Variants in ANKS1B observed in about 807,000 individuals in gnomAD.
The protein encoded by ANKS1B is ankyrin repeat and sterile alpha motif domain-containing protein 1B.
In ANKS1B, 36 loss-of-function variants were observed where a neutral mutation model predicts 148.3. That is an observed-to-expected ratio of 0.24 (90% CI 0.19 to 0.32). The LOEUF (loss-of-function observed/expected upper bound fraction) is 0.32, where lower values mean the gene tolerates loss of function less well. Ranked by LOEUF, ANKS1B falls within the 10% of genes least tolerant of loss-of-function variation. The probability of loss-of-function intolerance (pLI) is 1.00; values close to 1 mark genes in which losing one functional copy is unlikely to be tolerated. For synonymous variants in ANKS1B, 542 were observed against 560.8 expected (o/e 0.97, Z 0.47); for missense variants, 1,157 against 1,542.6 (o/e 0.75, Z 4.19).
intron 9 of ANKS1B, among the ~76,000 whole-genome samples, chr12:99,535,830 C>G (rs1443324781): frequency 1.3e-5 from 2 of 152,206 alleles, no homozygotes; most frequent in Non-Finnish European, 2.9e-5. Context: ...AACTTTAGCA[C>G]TTAACCAAAG....
At position 99,496,792 on chromosome 12, in the gene ANKS1B, C is replaced by A. The variant is rs532566191; in HGVS notation, c.1438+7684G>T. Among the ~76,000 whole-genome samples, 3 of 152,096 alleles carry A rather than the reference C, an allele frequency of 2.0e-5. No homozygotes were observed. The South Asian group carries it at 6.2e-4, about 32-fold the overall frequency. ...CCCTTCTAGTTTTTAATACAAGAGA[C>A]CACAGAAAGGAAAGTTAACTTTGAT... On this transcript the variant is annotated intron_variant, in intron 10 of 26. Transcript: ENST00000683438.
intron 17 of ANKS1B, among the ~76,000 whole-genome samples, chr12:99,047,865 A>C (rs950539770): frequency 6.6e-5 from 10 of 152,210 alleles, no homozygotes; most frequent in Non-Finnish European, 1.5e-4. Flanking sequence ...GATGGAACTA[A>C]GGGTCTACAT....
At chr12:98,971,199 T>A (rs2099882796) in intron 17 of ANKS1B, among the ~76,000 whole-genome samples, 1 of 152,222 alleles carries the variant, frequency 6.6e-6, no homozygotes, top group Admixed American at 6.5e-5. Context: ...CTAGACATAG[T>A]GGTTAAACTT....
intron 25 of ANKS1B, among the ~76,000 whole-genome samples, chr12:98,759,969 G>C (rs1304338128): frequency 6.6e-6 from 1 of 152,052 alleles, no homozygotes; most frequent in Non-Finnish European, 1.5e-5. Context: ...GACAGAGTGA[G>C]ACTCCGTCTA....
At chr12:99,114,215 ATT>A (rs1215461170) in intron 15 of ANKS1B, among the ~76,000 whole-genome samples, 2 of 152,188 alleles carry the variant, frequency 1.3e-5, no homozygotes. Context: ...ATTGGAAAAT[ATT>A]TGTGTCTATG....
chr12:99,292,445 G>T (rs1277867351), intron 12 of ANKS1B, among the ~76,000 whole-genome samples: 1 of 151,296 alleles, frequency 6.6e-6, no homozygotes, highest in African/African-American at 2.4e-5. Context: ...AACCTGGGAG[G>T]CGGAGCTTTC....
At position 99,849,035 on chromosome 12, in the gene ANKS1B, A is replaced by G. The variant is rs531488387; in HGVS notation, c.135-23646T>C. On this transcript the variant is annotated intron_variant, in intron 1 of 26. Coordinates refer to ENST00000683438, the MANE Select transcript of ANKS1B (RefSeq NM_001352186.2). ...AGATGGGAATAATAGATACTGGGAA[A>G]TAAAGAGGGGGAAAGGATGAAGTGA... Among the ~76,000 whole-genome samples the G allele has an allele frequency of 9.7e-4, 147 of 152,272 alleles. 1 individual carries two copies. Among genetic ancestry groups the G allele is most frequent in the African/African-American group, 3.5e-3 (144 of 41,578 alleles).
At chr12:99,719,638 A>G (rs1447471777) in intron 8 of ANKS1B, among the ~76,000 whole-genome samples, 1 of 152,152 alleles carries the variant, frequency 6.6e-6, no homozygotes, top group Admixed American at 6.5e-5. Flanking sequence ...CAAAAGCACT[A>G]AAAGTCAATA....
At chr12:99,788,750 T>A (rs1290386896) in intron 4 of ANKS1B, among the ~76,000 whole-genome samples, 1 of 151,768 alleles carries the variant, frequency 6.6e-6, no homozygotes, top group Non-Finnish European at 1.5e-5. Context: ...ATAGGGTGAG[T>A]CTGAGGCCTG....
chr12:99,285,170 T>C (rs895874751), intron 12 of ANKS1B, among the ~76,000 whole-genome samples: 3 of 152,222 alleles, frequency 2.0e-5, no homozygotes, highest in African/African-American at 7.2e-5. Context: ...TCTGTCACTA[T>C]AGGTAAGTTT....
At chr12:98,827,444 C>A (rs1231327734) in intron 19 of ANKS1B, among the ~76,000 whole-genome samples, 1 of 152,122 alleles carries the variant, frequency 6.6e-6, no homozygotes, top group Non-Finnish European at 1.5e-5. Flanking sequence ...TGCTTTTAGG[C>A]TTTTTTCACC....
chr12:98,921,298 G>C (rs553875684), intron 17 of ANKS1B, among the ~76,000 whole-genome samples: 31 of 152,212 alleles, frequency 2.0e-4, no homozygotes, highest in African/African-American at 7.2e-4. Context: ...AGCAGTTCCT[G>C]CCCTCAGCAA....
chr12:99,688,687 C>T (rs2098662937), intron 8 of ANKS1B, among the ~76,000 whole-genome samples: 1 of 151,980 alleles, frequency 6.6e-6, no homozygotes, highest in South Asian at 2.1e-4. Flanking sequence ...AAAACATAGC[C>T]AAGTATAGTG....
chr12:99,121,321 A>ATGTGTGTGTGTGTGTGTGTG (rs57560069), intron 15 of ANKS1B, among the ~76,000 whole-genome samples: 5 of 142,858 alleles, frequency 3.5e-5, no homozygotes, highest in Non-Finnish European at 4.6e-5. Flanking sequence ...GTATGTAGGT[A>ATGTGTGTGTGTGTGTGTGTG]TGTGTGTGTG....
rs189957070 is a variant in ANKS1B, at chr12:98,927,137, T to C, written c.2779-95001A>G. 2.2e-3 allele frequency among the ~76,000 whole-genome samples: 341 copies of C among 152,180 alleles called. 2 individuals carry two copies. The highest frequency in any genetic ancestry group is 7.7e-3 in the African/African-American group (319 of 41,532). ...AGAATGCCAAGAGAAAAGTGACTCA[T>C]TGAGTTCAAGGGATCCTAAATAACA... On this transcript the variant is annotated intron_variant, in intron 17 of 26. Coordinates refer to ENST00000683438, the MANE Select transcript of ANKS1B (RefSeq NM_001352186.2).
intron 1 of ANKS1B, among the ~76,000 whole-genome samples, chr12:99,921,867 C>CT (rs900058943): frequency 3.5e-4 from 53 of 149,816 alleles, no homozygotes; most frequent in African/African-American, 1.2e-3. Context: ...AAAATATAAA[C>CT]TTTTTTTTTT....
intron 25 of ANKS1B, among the ~76,000 whole-genome samples, chr12:98,767,827 C>T (rs1247139825): frequency 6.6e-6 from 1 of 152,158 alleles, no homozygotes; most frequent in African/African-American, 2.4e-5. Context: ...TTGAAATTAC[C>T]TTGGTTGTCT....
At chr12:99,781,294 C>T (rs559845489) in intron 5 of ANKS1B, among the ~76,000 whole-genome samples, 135 of 152,178 alleles carry the variant, frequency 8.9e-4, no homozygotes, top group African/African-American at 3.0e-3. Flanking sequence ...ATACAACAGT[C>T]TGCCAATGTT....
intron 8 of ANKS1B, among the ~76,000 whole-genome samples, chr12:99,770,404 A>G (rs1029852890): frequency 6.6e-6 from 1 of 152,182 alleles, no homozygotes; most frequent in Non-Finnish European, 1.5e-5. Flanking sequence ...TAGGTGACCT[A>G]TATTAGGTGA....
Sources: gnomAD v4.1 joint callset for allele counts (sites outside exome capture counted in the v4.1 genomes callset) on GRCh38, gnomAD v4.1.1 for gene constraint, MANE v1.5 for transcripts, NCBI Gene and HGNC (gene_info 2026-07-23, HGNC 2026-07-21) for gene names.